Variants in AKT3 observed in about 807,000 individuals in gnomAD.
AKT3 encodes the protein RAC-gamma serine/threonine-protein kinase.
Under a neutral mutation model 65.3 loss-of-function variants are expected in AKT3, and 15 were observed. The observed-to-expected ratio is 0.23, with a 90% confidence interval of 0.15 to 0.35. AKT3 has a LOEUF of 0.35. Ranked by LOEUF, AKT3 falls within the 10% of genes least tolerant of loss-of-function variation. The probability of loss-of-function intolerance (pLI) is 1.00; values close to 1 mark genes in which losing one functional copy is unlikely to be tolerated. For synonymous variants in AKT3, 206 were observed against 183.8 expected (o/e 1.12, Z -0.98); for missense variants, 243 against 576.5 (o/e 0.42, Z 5.92).
chr1:243,759,494 T>G (rs1243353047), intron 2 of AKT3, among the ~76,000 whole-genome samples: 1 of 151,940 alleles, frequency 6.6e-6, no homozygotes. Flanking sequence ...TCATATTTTA[T>G]GCTATACCTT....
intron 2 of AKT3, among the ~76,000 whole-genome samples, chr1:243,835,742 T>C (rs1275087469): frequency 6.6e-6 from 1 of 152,134 alleles, no homozygotes; most frequent in Non-Finnish European, 1.5e-5. Context: ...ACCACTCCTG[T>C]TGAGAATGCA....
In AKT3 at chr1:243,505,213, T is replaced by C. The variant is rs1328222784; in HGVS notation, c.*36A>G. 3 of 1,550,108 alleles carry C rather than the reference T, an allele frequency of 1.9e-6. No individual in the cohort carries two copies. Among genetic ancestry groups the C allele is most frequent in the Non-Finnish European group, 2.7e-6 (3 of 1,122,140 alleles). The stretch of plus-strand genomic sequence containing the variant: ...TCCAGGAATCATTTTCAGTAATAAA[T>C]TGAAGATGACAGTGAAGTAGCAGAA... On this transcript the variant is annotated 3_prime_UTR_variant, in exon 14 of 14. Coordinates refer to ENST00000673466, the MANE Select transcript of AKT3 (RefSeq NM_005465.7).
intron 2 of AKT3, among the ~76,000 whole-genome samples, chr1:243,806,902 T>G (rs531302351): frequency 2.6e-5 from 4 of 152,128 alleles, no homozygotes; most frequent in Non-Finnish European, 4.4e-5. Flanking sequence ...CTTGCAAATA[T>G]GGATCTCAAA....
Position 243,777,764 on chromosome 1 carries a change from C to T in AKT3, c.46+65361G>A, listed in dbSNP as rs140242038. 8.5e-3 allele frequency among the ~76,000 whole-genome samples: 1,291 copies of T among 152,216 alleles called. 12 individuals are homozygous for T. The highest frequency in any genetic ancestry group is 0.013 in the Non-Finnish European group (857 of 68,006). On this transcript the variant is annotated intron_variant, in intron 2 of 13. Coordinates refer to ENST00000673466, the MANE Select transcript of AKT3 (RefSeq NM_005465.7). ...CTCTCATCTTTTTTGGAAGACATTA[C>T]ACAAAGCATAAAATCATCCTGAAAG...
chr1:243,598,149 T>C (rs760965160), intron 8 of AKT3, among the ~76,000 whole-genome samples: 22 of 152,198 alleles, frequency 1.4e-4, no homozygotes, highest in Admixed American at 4.6e-4. Context: ...TGACACATAT[T>C]ATATTCTTCA....
chr1:243,811,008 T>C (rs1047345005), intron 2 of AKT3, among the ~76,000 whole-genome samples: 15 of 152,202 alleles, frequency 9.9e-5, no homozygotes, highest in African/African-American at 2.2e-4. Context: ...AAATTAGGTA[T>C]TGATGGGACG....
rs181504365 is a variant in AKT3, at chr1:243,791,212, A to G, written c.46+51913T>C. Among the ~76,000 whole-genome samples, 312 of 152,346 alleles carry G rather than the reference A, an allele frequency of 2.0e-3. 2 individuals carry two copies. Among genetic ancestry groups the G allele is most frequent in the South Asian group, 4.8e-3 (23 of 4,830 alleles). On this transcript the variant is annotated intron_variant, in intron 2 of 13. Coordinates refer to ENST00000673466, the MANE Select transcript of AKT3 (RefSeq NM_005465.7). ...ACCTAATACAATGTAGATACTATAT[A>G]AATAGTCACACTGTATTGTTTAGGG...
intron 2 of AKT3, among the ~76,000 whole-genome samples, chr1:243,841,759 T>C (rs1230264613): frequency 2.0e-5 from 3 of 152,136 alleles, no homozygotes; most frequent in Admixed American, 1.3e-4. Context: ...AACCAAAAGC[T>C]AGAAGCAGCC....
intron 8 of AKT3, among the ~76,000 whole-genome samples, chr1:243,587,626 A>AATAC (rs898804466): frequency 1.8e-4 from 27 of 152,202 alleles, no homozygotes; most frequent in African/African-American, 4.1e-4. Context: ...TACATACATA[A>AATAC]ATACATACAT....
At chr1:243,814,419 A>G (rs1282408460) in intron 2 of AKT3, 3 of 152,180 alleles carry the variant, frequency 2.0e-5, no homozygotes, top group Non-Finnish European at 2.9e-5. Flanking sequence ...AATAAAACAA[A>G]TGGAAAAAAT....
chr1:243,740,797 C>G (rs1186462528), intron 2 of AKT3: 1 of 152,172 alleles, frequency 6.6e-6, no homozygotes, highest in African/African-American at 2.4e-5. Context: ...TCCACTTGGA[C>G]TTTTATCATT....
intron 2 of AKT3, among the ~76,000 whole-genome samples, chr1:243,726,573 G>A (rs1687226223): frequency 1.3e-5 from 2 of 152,120 alleles, no homozygotes; most frequent in South Asian, 2.1e-4. Context: ...GTCTGTGGTT[G>A]CTCAACTTAG....
chr1:243,556,458 G>C (rs1558612694), intron 10 of AKT3, among the ~76,000 whole-genome samples: 1 of 151,936 alleles, frequency 6.6e-6, no homozygotes. Context: ...AGGTTAAAGG[G>C]ACCCCTCTCT....
intron 2 of AKT3, among the ~76,000 whole-genome samples, chr1:243,777,073 C>T (rs1223467079): frequency 6.6e-6 from 1 of 152,008 alleles, no homozygotes; most frequent in African/African-American, 2.4e-5. Context: ...TTAAGGCAAA[C>T]ACTTTAACAG....
Position 243,829,717 on chromosome 1 carries a change from G to A in AKT3, c.46+13408C>T, listed in dbSNP as rs558280168. 5.3e-5 allele frequency among the ~76,000 whole-genome samples: 8 copies of A among 152,190 alleles called. No homozygotes were observed. The South Asian group carries it at 1.2e-3, about 24-fold the overall frequency. ...AAGAGTAACACCCAGCAATGGCTAC[G>A]GTATAAGAAAGTAGAACCCTTCACA... On this transcript the variant is annotated intron_variant, in intron 2 of 13. Coordinates refer to ENST00000673466, the MANE Select transcript of AKT3 (RefSeq NM_005465.7).
intron 4 of AKT3, among the ~76,000 whole-genome samples, chr1:243,656,173 C>T (rs1031049176): frequency 6.6e-6 from 1 of 151,978 alleles, no homozygotes; most frequent in African/African-American, 2.4e-5. Context: ...TGAAAGAGGG[C>T]ATCCAATCTT....
chr1:243,697,388 G>A (rs956379666), intron 2 of AKT3, among the ~76,000 whole-genome samples: 4 of 151,868 alleles, frequency 2.6e-5, no homozygotes, highest in Admixed American at 6.6e-5. Flanking sequence ...GGCTCAAAGA[G>A]ATATGAAGCT....
chr1:243,509,886 C>T (rs749576509), intron 13 of AKT3, among the ~76,000 whole-genome samples: 5 of 152,112 alleles, frequency 3.3e-5, no homozygotes, highest in African/African-American at 4.8e-5. Flanking sequence ...GACCGGCCAT[C>T]GCCCAGAACT....
intron 3 of AKT3, among the ~76,000 whole-genome samples, chr1:243,686,201 A>G (rs1274720239): frequency 6.6e-6 from 1 of 152,102 alleles, no homozygotes; most frequent in Non-Finnish European, 1.5e-5. Flanking sequence ...TATAGGTTCA[A>G]TGCTATCCCC....
Sources: gnomAD v4.1 joint callset for allele counts (sites outside exome capture counted in the v4.1 genomes callset) on GRCh38, gnomAD v4.1.1 for gene constraint, MANE v1.5 for transcripts, NCBI Gene and HGNC (gene_info 2026-07-23, HGNC 2026-07-21) for gene names.